Variants in RBPJ observed in about 807,000 individuals in gnomAD.
RBPJ encodes the protein recombining binding protein suppressor of hairless.
Under a neutral mutation model 67.8 loss-of-function variants are expected in RBPJ, and 9 were observed. That is an observed-to-expected ratio of 0.13 (90% CI 0.08 to 0.23). The LOEUF is 0.23. RBPJ is among the 10% of genes least tolerant of loss of function. RBPJ has a pLI of 1.00. For missense variants in RBPJ, 305 were observed against 595.6 expected (o/e 0.51, Z 5.08); for synonymous variants, 198 against 203.3 (o/e 0.97, Z 0.22).
At chr4:26,254,842 T>A (rs1170307632) in intron 1 of RBPJ, among the ~76,000 whole-genome samples, 2 of 85,106 alleles carry the variant, frequency 2.4e-5, no homozygotes, top group African/African-American at 1.2e-4. Flanking sequence ...CATGCCCAGC[T>A]ATTTTTTTTT....
the RBPJ span, among the ~76,000 whole-genome samples, chr4:26,115,651 T>C: frequency 2.0e-5 from 3 of 152,224 alleles, no homozygotes; most frequent in Admixed American, 6.5e-5. Flanking sequence ...CCCAAAGTGC[T>C]GGGATTCAGT....
intron 1 of RBPJ, among the ~76,000 whole-genome samples, chr4:26,301,768 T>C (rs1320442484): frequency 1.3e-5 from 2 of 152,052 alleles, no homozygotes; most frequent in Admixed American, 6.6e-5. Flanking sequence ...AGGCTGAAGC[T>C]AAATATGAAG....
At chr4:26,249,791 C>CTTT (rs1329128596) in intron 1 of RBPJ, among the ~76,000 whole-genome samples, 6 of 128,792 alleles carry the variant, frequency 4.7e-5, no homozygotes, top group South Asian at 2.5e-4. Context: ...TTTTTTTTTT[C>CTTT]TTTTTTTTTT....
the RBPJ span, among the ~76,000 whole-genome samples, chr4:26,122,038 G>T: frequency 6.6e-6 from 1 of 151,938 alleles, no homozygotes; most frequent in Non-Finnish European, 1.5e-5. Flanking sequence ...GATCGGTTCA[G>T]GCATAAACTT....
intron 1 of RBPJ, among the ~76,000 whole-genome samples, chr4:26,336,414 G>A (rs1724841681): frequency 6.6e-6 from 1 of 152,128 alleles, no homozygotes; most frequent in African/African-American, 2.4e-5. Context: ...CAGATTTGGA[G>A]GCTGAGGAAG....
rs60781954 is a variant in RBPJ, at chr4:26,342,265, CAA to C, written c.20+21234_20+21235del. On this transcript the variant is annotated intron_variant, in intron 1 of 10. Coordinates refer to ENST00000355476, the MANE Select transcript of RBPJ (RefSeq NM_015874.6). ...TACAAATGCTGAACACCTGGGTTAT[CAA>C]AAAAAAAAAAAAAAAAGGGAATGTG... Among the ~76,000 whole-genome samples the C allele has an allele frequency of 1.8e-3, 204 of 114,092 alleles. 2 individuals carry two copies. The highest frequency in any genetic ancestry group is 6.1e-3 in the African/African-American group (171 of 28,250). The allele number at this position is 114,092 out of a possible 152,430, so 74.8% of individuals were successfully genotyped here.
At chr4:26,203,461 C>T (rs897880186) in intron 1 of RBPJ, among the ~76,000 whole-genome samples, 4 of 152,086 alleles carry the variant, frequency 2.6e-5, no homozygotes, top group Non-Finnish European at 5.9e-5. Context: ...CAGCTTTATT[C>T]TTCTTCATGG....
chr4:26,388,839 T>C (rs1731195960), intron 2 of RBPJ, among the ~76,000 whole-genome samples: 1 of 152,156 alleles, frequency 6.6e-6, no homozygotes, highest in African/African-American at 2.4e-5. Flanking sequence ...TATATGTAGT[T>C]AGTCATCGTA....
chr4:26,198,303 A>G (rs1345819580), intron 1 of RBPJ, among the ~76,000 whole-genome samples: 5 of 152,130 alleles, frequency 3.3e-5, no homozygotes, highest in African/African-American at 4.8e-5. Flanking sequence ...ACTATGAGGC[A>G]GATATTAACT....
At chr4:26,425,340 C>G (rs768848965) in intron 7 of RBPJ, among the ~76,000 whole-genome samples, 9 of 152,154 alleles carry the variant, frequency 5.9e-5, no homozygotes, top group Non-Finnish European at 1.2e-4. Flanking sequence ...AATCCCAGCA[C>G]TTCAACAGGT....
the RBPJ span, among the ~76,000 whole-genome samples, chr4:26,124,301 AT>A: frequency 6.6e-6 from 1 of 151,336 alleles, no homozygotes; most frequent in Non-Finnish European, 1.5e-5. Flanking sequence ...AGAACATGCA[AT>A]GCTTGGTTTT....
At chr4:26,369,269 T>C (rs1728922632) in intron 1 of RBPJ, among the ~76,000 whole-genome samples, 1 of 152,250 alleles carries the variant, frequency 6.6e-6, no homozygotes, top group Admixed American at 6.5e-5. Context: ...AAATTTGTCA[T>C]CACTGAACTC....
At chr4:26,190,842 C>CAT (rs1717455343) in intron 1 of RBPJ, among the ~76,000 whole-genome samples, 1 of 152,002 alleles carries the variant, frequency 6.6e-6, no homozygotes, top group Non-Finnish European at 1.5e-5. Flanking sequence ...AAGTAACATA[C>CAT]ATACATTGAA....
At chr4:26,136,885 A>T in the RBPJ span, among the ~76,000 whole-genome samples, 8 of 152,230 alleles carry the variant, frequency 5.3e-5, no homozygotes, top group African/African-American at 1.9e-4. Flanking sequence ...ACAGCCAATA[A>T]GTGGTAGATC....
In RBPJ at chr4:26,415,475, G is replaced by GT; in HGVS notation, c.163dup (p.Cys55LeufsTer27). ...TTTTTTTTCCCCTATTATTCTTCAG[G>GT]TTTTTTTGCCCACCTCCTTGTGTAT... On this transcript the variant is annotated frameshift_variant and splice_region_variant, in exon 4 of 11. Transcript: ENST00000355476. LOFTEE classifies it high-confidence loss of function. The GT allele has an allele frequency of 2.6e-6, 4 of 1,564,680 alleles. No homozygotes were observed. Among genetic ancestry groups the GT allele is most frequent in the African/African-American group, 1.4e-5 (1 of 71,276 alleles).
At chr4:26,256,255 A>G (rs572826868) in intron 1 of RBPJ, among the ~76,000 whole-genome samples, 2 of 152,134 alleles carry the variant, frequency 1.3e-5, no homozygotes, top group African/African-American at 4.8e-5. Flanking sequence ...TGCCTTTGGA[A>G]ATAGAAATGG....
chr4:26,114,478 C>CATATATATATATATTTATATATATATAT, the RBPJ span, among the ~76,000 whole-genome samples: 1 of 123,162 alleles, frequency 8.1e-6, no homozygotes, highest in Non-Finnish European at 1.8e-5. Flanking sequence ...AAAGAATGTA[C>CATATATATATATATTTATATATATATAT]ATATATATAT....
chr4:26,266,852 A>C (rs7663142), intron 1 of RBPJ, among the ~76,000 whole-genome samples: 5,767 of 152,300 alleles, frequency 0.038, 371 homozygotes, highest in African/African-American at 0.13. Flanking sequence ...TAGAAACACC[A>C]CAATTCCCAG....
intron 1 of RBPJ, among the ~76,000 whole-genome samples, chr4:26,377,406 G>A (rs1393103173): frequency 1.3e-5 from 2 of 152,120 alleles, no homozygotes; most frequent in Non-Finnish European, 2.9e-5. Flanking sequence ...TTCAGGTCTT[G>A]AACACTGCTT....
Sources: allele counts gnomAD v4.1 joint callset (sites outside exome capture counted in the v4.1 genomes callset), GRCh38; gene constraint gnomAD v4.1.1; transcripts MANE v1.5; gene names NCBI Gene and HGNC (gene_info 2026-07-23, HGNC 2026-07-21).